TJP2: variants seen among roughly 807,000 people sequenced by gnomAD.
The protein encoded by TJP2 is Friedreich ataxia region gene X104 (tight junction protein ZO-2).
A neutral mutation model predicts 133.1 loss-of-function variants in TJP2; 91 were observed. The observed-to-expected ratio is 0.68, with a 90% confidence interval of 0.58 to 0.81. The LOEUF (loss-of-function observed/expected upper bound fraction) is 0.81. TJP2 is among the 40% of genes least tolerant of loss of function. TJP2 has a pLI of 0.00. For synonymous variants in TJP2, 592 were observed against 583.4 expected, an observed-to-expected ratio of 1.01 and a Z score of -0.21; for missense variants, 1,541 against 1,565.6, an observed-to-expected ratio of 0.98 and a Z score of 0.26.
At chr9:69,249,919 C>T (rs760062275) in intron 20 of TJP2, among the ~76,000 whole-genome samples, 1 of 152,152 alleles carries the variant, frequency 6.6e-6, no homozygotes, top group Non-Finnish European at 1.5e-5. Flanking sequence ...ATCACCACTG[C>T]TTACAATGCC....
chr9:69,157,111 G>A (rs1298868857), intron 2 of TJP2, among the ~76,000 whole-genome samples: 5 of 152,078 alleles, frequency 3.3e-5, no homozygotes, highest in African/African-American at 1.2e-4. Flanking sequence ...TAAATTTTAG[G>A]GTTCCCCGGC....
Position 69,163,056 on chromosome 9 carries a change from C to G in TJP2, c.-10+11285C>G, listed in dbSNP as rs566066108. ...TTTTTTTTTTTTTGAGACGGAGTCT[C>G]GCTCTGTCGCCCAGGCTGGAGTGCA... On this transcript the variant is annotated intron_variant, in intron 2 of 5. Transcript: ENST00000423935. Among the ~76,000 whole-genome samples, 4 of 39,396 alleles carry G rather than the reference C, an allele frequency of 1.0e-4. 1 individual carries two copies. Among genetic ancestry groups the G allele is most frequent in the African/African-American group, 4.2e-4 (4 of 9,428 alleles). 25.8% of individuals were successfully genotyped at this position (39,396 alleles called of 152,430 possible).
At chr9:69,174,871 C>T (rs1162074587) in intron 1 of TJP2, among the ~76,000 whole-genome samples, 1 of 151,350 alleles carries the variant, frequency 6.6e-6, no homozygotes. Context: ...ATCCCTTTTC[C>T]CTTTCAATCA....
At chr9:69,232,509 A>G (rs62570182) in intron 11 of TJP2, among the ~76,000 whole-genome samples, 19,808 of 152,224 alleles carry the variant, frequency 0.13, 1,867 homozygotes, top group East Asian at 0.36. Context: ...ATTTGTTTCA[A>G]TGCTCCTTTT....
chr9:69,169,353 T>C (rs1824543776), upstream of TJP2, among the ~76,000 whole-genome samples: 1 of 113,704 alleles, frequency 8.8e-6, no homozygotes, highest in African/African-American at 3.5e-5. Flanking sequence ...TAAACTTTTC[T>C]CTTTTTTTTT....
chr9:69,121,825 G>C (rs1822157512), intron 1 of TJP2: 2 of 152,422 alleles, frequency 1.3e-5, no homozygotes, highest in Admixed American at 6.5e-5. Flanking sequence ...AGGCGTCGCC[G>C]GGATGCCTTC....
In TJP2 at chr9:69,234,386, CTTTCTTTCTTTCTT is replaced by C. The variant is rs1830010920; in HGVS notation, c.1672-49_1672-36del. ...TTCTCTGTTTTTTCTTTCTTTCTTT[CTTTCTTTCTTTCTT>C]TTTTTTTTTTTTCTTTTTCTGTTTT... On this transcript the variant is annotated intron_variant, in intron 11 of 22. Transcript: ENST00000377245. 8 of 1,310,782 alleles carry C rather than the reference CTTTCTTTCTTTCTT, an allele frequency of 6.1e-6. No homozygotes were observed. In the South Asian group the frequency reaches 6.6e-5, roughly 11 times the overall value. 81.2% of individuals were successfully genotyped at this position (1,310,782 alleles called of 1,614,324 possible).
chr9:69,236,890 A>C, intron 13 of TJP2, 59 bp from the exon 14 acceptor site: 1 of 1,564,504 alleles, frequency 6.4e-7, no homozygotes, highest in Non-Finnish European at 8.8e-7. Context: ...TGATTAATGA[A>C]ATGCATGTTA....
chr9:69,196,944 TGTAC>T (rs1257348470), intron 1 of TJP2, among the ~76,000 whole-genome samples: 1,091 of 38,120 alleles, frequency 0.029, 8 homozygotes, highest in Non-Finnish European at 0.043. Flanking sequence ...TGTGTGTGTG[TGTAC>T]ACACACACAC....
At chr9:69,205,764 G>T (rs2486453) in intron 1 of TJP2, among the ~76,000 whole-genome samples, 140,099 of 152,238 alleles carry the variant, frequency 0.92, 64,479 homozygotes, top group Middle Eastern at 0.95. Flanking sequence ...TGGACAGCTT[G>T]CGATTAATCT....
At chr9:69,187,553 G>A (rs184477043) in intron 1 of TJP2, among the ~76,000 whole-genome samples, 203 of 152,286 alleles carry the variant, frequency 1.3e-3, no homozygotes, top group African/African-American at 4.6e-3. Flanking sequence ...TGACTGAGAC[G>A]AGCGTAATCA....
chr9:69,231,492 C>A (rs1309933952), intron 11 of TJP2, among the ~76,000 whole-genome samples: 1 of 151,668 alleles, frequency 6.6e-6, no homozygotes, highest in Non-Finnish European at 1.5e-5. Context: ...AGTAAAAAAT[C>A]CATATGTAGT....
At chr9:69,176,964 G>C (rs1270427019) in intron 1 of TJP2, among the ~76,000 whole-genome samples, 2 of 151,972 alleles carry the variant, frequency 1.3e-5, no homozygotes, top group Non-Finnish European at 2.9e-5. Flanking sequence ...TGAAGTTTGG[G>C]TGTGGTGGGG....
At chr9:69,209,144 T>C (rs1220278782) in intron 1 of TJP2, among the ~76,000 whole-genome samples, 2 of 152,150 alleles carry the variant, frequency 1.3e-5, no homozygotes, top group East Asian at 1.9e-4. Context: ...TCTTTTTCTT[T>C]TCTTTCTTTA....
chr9:69,147,086 A>T (rs1322688531), intron 1 of TJP2, among the ~76,000 whole-genome samples: 2 of 152,084 alleles, frequency 1.3e-5, no homozygotes, highest in East Asian at 3.9e-4. Context: ...GCATACAGAG[A>T]CTCTATCAGA....
rs763227908 is a variant in TJP2, at chr9:69,239,972, T to C, written c.2391T>C (p.Ala797=). 1.5e-5 allele frequency: 24 copies of C among 1,614,130 alleles called. No homozygotes were observed. The South Asian group carries it at 2.6e-4, about 18-fold the overall frequency. ...CACTACTGGATGTGACTCCGAAAGC[T>C]GTGGACCTGTTGAATTACACCCAGT... ...KHALLDVTPK[A]VDLLNYTQWF... is the part of the protein sequence containing the mutation. The change falls in exon 17 of 23, where the codon GCT becomes GCC. Residue 797 remains alanine, a synonymous_variant. Coordinates refer to ENST00000377245, the MANE Select transcript of TJP2 (RefSeq NM_004817.4).
chr9:69,179,221 G>A (rs994553472), intron 1 of TJP2, among the ~76,000 whole-genome samples: 4 of 152,192 alleles, frequency 2.6e-5, no homozygotes, highest in African/African-American at 7.2e-5. Flanking sequence ...TTGTACTTTA[G>A]TCATTTAAAA....
intron 2 of TJP2, among the ~76,000 whole-genome samples, chr9:69,168,909 C>T (rs1824516315): frequency 6.6e-6 from 1 of 151,658 alleles, no homozygotes; most frequent in Non-Finnish European, 1.5e-5. Context: ...ATCACAGGGG[C>T]CATTGAGTGG....
intron 17 of TJP2, among the ~76,000 whole-genome samples, chr9:69,243,062 C>T (rs1364595502): frequency 1.3e-5 from 2 of 152,028 alleles, no homozygotes; most frequent in African/African-American, 2.4e-5. Context: ...CAGGGTTTAC[C>T]CATGTTGCCC....
Sources: gnomAD v4.1 joint callset for allele counts (sites outside exome capture counted in the v4.1 genomes callset) on GRCh38, gnomAD v4.1.1 for gene constraint, MANE v1.5 for transcripts, NCBI Gene and HGNC (gene_info 2026-07-23, HGNC 2026-07-21) for gene names.